The following PCSK5 variants were observed in gnomAD, a reference collection of about 807,000 sequenced individuals.
PCSK5 encodes the protein prohormone convertase 5.
Under a neutral mutation model 233.2 loss-of-function variants are expected in PCSK5, and 129 were observed. The ratio of observed to expected loss-of-function variants is 0.55; its 90% CI spans 0.48 to 0.64. The LOEUF is 0.64. PCSK5 is among the 30% of genes least tolerant of loss of function. The pLI is 0.00. For missense variants in PCSK5, 2,076 were observed against 2,430.1 expected (o/e 0.85, Z 3.06); for synonymous variants, 825 against 879.2 (o/e 0.94, Z 1.09).
chr9:76,111,870 G>GAGAT (rs1485621263), intron 9 of PCSK5, among the ~76,000 whole-genome samples: 1 of 152,098 alleles, frequency 6.6e-6, no homozygotes, highest in African/African-American at 2.4e-5. Flanking sequence ...CAGTGCTATA[G>GAGAT]ATCTATCAGG....
chr9:76,276,951 G>T (rs1827711599), intron 24 of PCSK5, among the ~76,000 whole-genome samples: 1 of 152,080 alleles, frequency 6.6e-6, no homozygotes, highest in South Asian at 2.1e-4. Flanking sequence ...ATCTAGGCTG[G>T]GTGCAGTGGC....
chr9:76,006,218 A>G (rs1486345270), intron 3 of PCSK5, among the ~76,000 whole-genome samples: 1 of 152,002 alleles, frequency 6.6e-6, no homozygotes, highest in Non-Finnish European at 1.5e-5. Context: ...TTGCTTTGTG[A>G]GACAATTTTA....
chr9:76,289,517 TAC>T (rs138282168), intron 24 of PCSK5, among the ~76,000 whole-genome samples: 8,923 of 119,112 alleles, frequency 0.075, 321 homozygotes, highest in African/African-American at 0.1. Flanking sequence ...ACACGCAACA[TAC>T]ACACACACAC....
chr9:76,081,823 T>A (rs1444252932), intron 7 of PCSK5, among the ~76,000 whole-genome samples: 1 of 152,164 alleles, frequency 6.6e-6, no homozygotes, highest in Non-Finnish European at 1.5e-5. Context: ...CCATTCCTCA[T>A]GCTAGTCATC....
intron 24 of PCSK5, among the ~76,000 whole-genome samples, chr9:76,276,813 G>A (rs2131380657): frequency 6.6e-6 from 1 of 152,274 alleles, no homozygotes; most frequent in African/African-American, 2.4e-5. Flanking sequence ...CTATATACCA[G>A]CAGTTCTTGG....
chr9:76,347,638 C>T (rs1057241264), intron 35 of PCSK5, among the ~76,000 whole-genome samples: 1 of 151,976 alleles, frequency 6.6e-6, no homozygotes, highest in African/African-American at 2.4e-5. Context: ...CGACTGTAAT[C>T]CCAGCACTTT....
At chr9:75,940,152 G>A (rs1824233689) in intron 2 of PCSK5, among the ~76,000 whole-genome samples, 1 of 152,176 alleles carries the variant, frequency 6.6e-6, no homozygotes, top group Non-Finnish European at 1.5e-5. Flanking sequence ...TTCACCATCA[G>A]ACAGGGCAAA....
intron 2 of PCSK5, among the ~76,000 whole-genome samples, chr9:75,945,461 A>G (rs1158175679): frequency 6.6e-6 from 1 of 152,112 alleles, no homozygotes; most frequent in Non-Finnish European, 1.5e-5. Flanking sequence ...CACTGCCACC[A>G]TCCTGGTTAA....
At chr9:76,261,351 A>G (rs1827168635) in intron 24 of PCSK5, among the ~76,000 whole-genome samples, 1 of 152,236 alleles carries the variant, frequency 6.6e-6, no homozygotes, top group African/African-American at 2.4e-5. Context: ...TGCGGATGAT[A>G]TGATTCTATA....
intron 27 of PCSK5, among the ~76,000 whole-genome samples, chr9:76,298,152 T>C (rs934973307): frequency 6.6e-6 from 1 of 152,184 alleles, no homozygotes; most frequent in Non-Finnish European, 1.5e-5. Context: ...GTCCAGATGA[T>C]GACACGGTCC....
intron 24 of PCSK5, among the ~76,000 whole-genome samples, chr9:76,248,326 G>C (rs1826685056): frequency 6.6e-6 from 1 of 152,086 alleles, no homozygotes; most frequent in African/African-American, 2.4e-5. Context: ...ACTCCCACTA[G>C]CCAAATGTAG....
intron 2 of PCSK5, among the ~76,000 whole-genome samples, chr9:75,944,410 T>C (rs1368334603): frequency 1.3e-5 from 2 of 152,166 alleles, no homozygotes; most frequent in African/African-American, 4.8e-5. Context: ...TTAAAAACGA[T>C]AGTAAAATTG....
chr9:75,980,423 A>G (rs1449989703), intron 2 of PCSK5, among the ~76,000 whole-genome samples: 1 of 152,192 alleles, frequency 6.6e-6, no homozygotes, highest in Admixed American at 6.5e-5. Context: ...TCAAAAATTA[A>G]TGATTCTTCA....
chr9:76,126,167 C>CTG (rs140371301), intron 9 of PCSK5, among the ~76,000 whole-genome samples: 10 of 61,582 alleles, frequency 1.6e-4, no homozygotes, highest in East Asian at 7.8e-4. Flanking sequence ...TGATTTTTTC[C>CTG]TGCGTGTGTG....
intron 8 of PCSK5, 70 bp downstream of exon 8, chr9:76,096,172 C>T: frequency 1.2e-6 from 1 of 858,356 alleles, no homozygotes; most frequent in African/African-American, 1.9e-5. Flanking sequence ...AAGGGAGAAC[C>T]ATAAACATAT....
chr9:75,950,306 G>C (rs1824796675), intron 2 of PCSK5, among the ~76,000 whole-genome samples: 1 of 151,874 alleles, frequency 6.6e-6, no homozygotes, highest in African/African-American at 2.4e-5. Context: ...TTTTAGACAG[G>C]AATATATCAG....
chr9:75,988,955 A>G (rs936421306), intron 3 of PCSK5, among the ~76,000 whole-genome samples: 1 of 152,212 alleles, frequency 6.6e-6, no homozygotes, highest in Non-Finnish European at 1.5e-5. Context: ...CTATCCAAAG[A>G]GAAGTCACTG....
intron 20 of PCSK5, among the ~76,000 whole-genome samples, chr9:76,225,412 A>G (rs997929869): frequency 1.3e-5 from 2 of 152,166 alleles, no homozygotes; most frequent in Non-Finnish European, 2.9e-5. Context: ...GAACCTCTCC[A>G]TTCTTGTTCC....
intron 8 of PCSK5, among the ~76,000 whole-genome samples, chr9:76,101,481 A>G (rs1001742450): frequency 6.6e-6 from 1 of 152,152 alleles, no homozygotes; most frequent in African/African-American, 2.4e-5. Context: ...TCCTCCTGAC[A>G]TTTCTCTCAA....
Sources: allele counts gnomAD v4.1 joint callset (sites outside exome capture counted in the v4.1 genomes callset), GRCh38; gene constraint gnomAD v4.1.1; transcripts MANE v1.5; gene names NCBI Gene and HGNC (gene_info 2026-07-23, HGNC 2026-07-21).